The following LARS2 variants were observed in gnomAD, a reference collection of about 807,000 sequenced individuals.
LARS2 encodes the protein leucyl-tRNA synthetase 2, mitochondrial.
In LARS2, 81 loss-of-function variants were observed where a neutral mutation model predicts 116.6. The observed-to-expected ratio is 0.69, with a 90% CI of 0.58 to 0.84. The LOEUF (loss-of-function observed/expected upper bound fraction) is 0.84, where lower values mean the gene tolerates loss of function less well. LARS2 is among the 40% of genes least tolerant of loss of function. The probability of loss-of-function intolerance (pLI) is 0.00; values close to 1 mark genes in which losing one functional copy is unlikely to be tolerated. For missense variants in LARS2, 968 were observed against 1,114.5 expected, an observed-to-expected ratio of 0.87 and a Z score of 1.87; for synonymous variants, 396 against 407.2, an observed-to-expected ratio of 0.97 and a Z score of 0.33.
At chr3:45,543,460 T>A (rs1700826490) in intron 21 of LARS2, among the ~76,000 whole-genome samples, 1 of 149,364 alleles carries the variant, frequency 6.7e-6, no homozygotes, top group South Asian at 2.2e-4. Context: ...ATTTTTTTTT[T>A]TTATTTTTTT....
chr3:45,510,387 C>T (rs761485075), intron 15 of LARS2, among the ~76,000 whole-genome samples: 1 of 152,022 alleles, frequency 6.6e-6, no homozygotes, highest in Non-Finnish European at 1.5e-5. Flanking sequence ...GCACCCCAGC[C>T]TGGGTGACAG....
intron 7 of LARS2, among the ~76,000 whole-genome samples, chr3:45,450,211 A>C (rs534778802): frequency 6.6e-6 from 1 of 152,342 alleles, no homozygotes; most frequent in East Asian, 1.9e-4. Context: ...TGGGATATCC[A>C]TCACCTCAAA....
chr3:45,445,930 A>T (rs748756366), intron 6 of LARS2, among the ~76,000 whole-genome samples: 1 of 152,136 alleles, frequency 6.6e-6, no homozygotes, highest in Non-Finnish European at 1.5e-5. Context: ...AGTTTATTAC[A>T]AGGCGTGGTG....
At chr3:45,432,033 A>G (rs1270938343) in intron 6 of LARS2, among the ~76,000 whole-genome samples, 1 of 152,228 alleles carries the variant, frequency 6.6e-6, no homozygotes, top group Admixed American at 6.5e-5. Context: ...ATCAGACAAA[A>G]TAGACTTTAA....
intron 8 of LARS2, among the ~76,000 whole-genome samples, chr3:45,459,819 A>G (rs569035708): frequency 6.6e-6 from 1 of 152,326 alleles, no homozygotes; most frequent in African/African-American, 2.4e-5. Flanking sequence ...GACTGGACAT[A>G]AGTAGGGTCT....
chr3:45,461,097 A>G (rs1699315720), intron 8 of LARS2, among the ~76,000 whole-genome samples: 1 of 152,214 alleles, frequency 6.6e-6, no homozygotes, highest in Non-Finnish European at 1.5e-5. Context: ...AGATGTTGGA[A>G]TTAGTAAATA....
intron 4 of LARS2, among the ~76,000 whole-genome samples, chr3:45,411,221 C>T (rs930553077): frequency 2.6e-5 from 4 of 152,202 alleles, no homozygotes; most frequent in Admixed American, 6.5e-5. Context: ...GCAGCCGAGG[C>T]CCTGACTCAC....
At chr3:45,476,711 T>G in intron 10 of LARS2, 84 bp downstream of exon 10, 1 of 1,385,468 alleles carries the variant, frequency 7.2e-7, no homozygotes, top group African/African-American at 1.4e-5. Flanking sequence ...GGTCCTTTCC[T>G]CTATGTCATC....
chr3:45,399,586 C>A (rs760680480), intron 3 of LARS2, among the ~76,000 whole-genome samples: 4 of 151,842 alleles, frequency 2.6e-5, no homozygotes, highest in African/African-American at 4.8e-5. Flanking sequence ...TTCTTTCTTG[C>A]GTGAGATCCA....
intron 19 of LARS2, among the ~76,000 whole-genome samples, chr3:45,523,029 C>CT (rs1216767772): frequency 6.6e-6 from 1 of 151,980 alleles, no homozygotes; most frequent in Non-Finnish European, 1.5e-5. Context: ...TAAAATATAC[C>CT]TTTTTTTCTA....
At chr3:45,414,768 G>A (rs1261331463) in intron 4 of LARS2, among the ~76,000 whole-genome samples, 1 of 151,842 alleles carries the variant, frequency 6.6e-6, no homozygotes, top group African/African-American at 2.4e-5. Flanking sequence ...ACTTACCCCA[G>A]GTTGACAGCC....
intron 14 of LARS2, among the ~76,000 whole-genome samples, chr3:45,499,428 C>T (rs1415977345): frequency 6.6e-6 from 1 of 151,388 alleles, no homozygotes; most frequent in Non-Finnish European, 1.5e-5. Flanking sequence ...GGTGACAGAG[C>T]GAGACTCCGT....
intron 4 of LARS2, among the ~76,000 whole-genome samples, chr3:45,414,661 C>T (rs970251871): frequency 3.3e-5 from 5 of 151,592 alleles, no homozygotes; most frequent in Non-Finnish European, 5.9e-5. Context: ...GCCAGGAGTT[C>T]GAGATTACGG....
intron 6 of LARS2, among the ~76,000 whole-genome samples, chr3:45,423,279 T>C (rs1698542866): frequency 6.6e-6 from 1 of 152,170 alleles, no homozygotes; most frequent in Non-Finnish European, 1.5e-5. Flanking sequence ...TGGGGGTATA[T>C]CCTGAGATGT....
At chr3:45,464,718 G>GA (rs1699393494) in intron 8 of LARS2, among the ~76,000 whole-genome samples, 2 of 152,134 alleles carry the variant, frequency 1.3e-5, no homozygotes. Context: ...TTCTAAGGGG[G>GA]AGGGGCGGCA....
chr3:45,488,400 T>A (rs1290587707), intron 11 of LARS2, among the ~76,000 whole-genome samples: 1 of 152,206 alleles, frequency 6.6e-6, no homozygotes, highest in Non-Finnish European at 1.5e-5. Context: ...GCCACTGCAC[T>A]CTAACCTGGG....
intron 12 of LARS2, among the ~76,000 whole-genome samples, chr3:45,489,848 A>G (rs1450190544): frequency 6.6e-6 from 1 of 152,140 alleles, no homozygotes; most frequent in African/African-American, 2.4e-5. Flanking sequence ...AGAGCTCCCT[A>G]GTTGATTCTG....
intron 3 of LARS2, 152 bp from the exon 4 acceptor site, chr3:45,400,093 A>G: frequency 1.3e-6 from 1 of 742,856 alleles, no homozygotes; most frequent in East Asian, 2.9e-5. Context: ...GCTTTTTGAC[A>G]TTTTAATTGA....
chr3:45,520,469 G>T (rs1477264676), intron 19 of LARS2, among the ~76,000 whole-genome samples, 173 bp downstream of exon 19: 1 of 152,060 alleles, frequency 6.6e-6, no homozygotes, highest in Non-Finnish European at 1.5e-5. Context: ...TTTTATGCTG[G>T]AATGTTCTTA....
Sources: gnomAD v4.1 joint callset for allele counts (sites outside exome capture counted in the v4.1 genomes callset) on GRCh38, gnomAD v4.1.1 for gene constraint, MANE v1.5 for transcripts, NCBI Gene and HGNC (gene_info 2026-07-23, HGNC 2026-07-21) for gene names.